The following RBM33 variants were observed in gnomAD, a reference collection of about 807,000 sequenced individuals.
RBM33 encodes the protein RNA binding motif protein 33, also known as RNA-binding protein 33.
Under a neutral mutation model 132.6 loss-of-function variants are expected in RBM33, and 28 were observed. That is an observed-to-expected ratio of 0.21 (90% CI 0.16 to 0.29). The LOEUF (loss-of-function observed/expected upper bound fraction) is 0.29, where lower values mean the gene tolerates loss of function less well. Ranked by LOEUF, RBM33 falls within the 10% of genes least tolerant of loss-of-function variation. The pLI is 1.00. For missense variants in RBM33, 1,291 were observed against 1,518.5 expected (o/e 0.85, Z 2.49); for synonymous variants, 634 against 593.0 (o/e 1.07, Z -1.01).
At position 155,675,244 on chromosome 7, in the gene RBM33, A is replaced by T. The variant is rs1179433667; in HGVS notation, c.171+2329A>T. ...GGGAGGCGGAGGTTGCAGTGAACCG[A>T]GATCACGCCACTGTACTCTAGCCTG... On this transcript the variant is annotated intron_variant, in intron 3 of 17. Transcript: ENST00000401878. 3.3e-5 allele frequency among the ~76,000 whole-genome samples: 5 copies of T among 149,546 alleles called. No individual in the cohort carries two copies. The East Asian group carries it at 9.9e-4, about 29-fold the overall frequency.
At chr7:155,703,979 G>T (rs10245530) in intron 6 of RBM33, among the ~76,000 whole-genome samples, 264 of 152,194 alleles carry the variant, frequency 1.7e-3, no homozygotes, top group African/African-American at 4.9e-3. Context: ...TATTGTTAGT[G>T]TTGAGAACAC....
intron 9 of RBM33, among the ~76,000 whole-genome samples, chr7:155,719,597 T>G (rs917562966): frequency 3.3e-5 from 5 of 152,172 alleles, no homozygotes; most frequent in African/African-American, 1.2e-4. Flanking sequence ...ATGATATTTA[T>G]TGGGTATCTA....
At chr7:155,649,136 G>T (rs1436109299) in intron 1 of RBM33, among the ~76,000 whole-genome samples, 1 of 151,946 alleles carries the variant, frequency 6.6e-6, no homozygotes. Context: ...GCATAGATTG[G>T]TACTTTTAAT....
rs756790994 is a variant in RBM33 at position 155,711,155 on chromosome 7, T to C, written c.949-48T>C. 4 of 1,446,012 alleles carry C rather than the reference T, an allele frequency of 2.8e-6. No homozygotes were observed. The Middle Eastern group carries it at 5.5e-4, about 200-fold the overall frequency. 89.6% of individuals were successfully genotyped at this position (1,446,012 alleles called of 1,614,324 possible). On this transcript the variant is annotated intron_variant, in intron 7 of 17. Transcript: ENST00000401878. ...GTTGATTTCGGTGAACTTTTGTTTT[T>C]TTTTTTGTGATTTGTAGACTCATTC...
At position 155,775,332 on chromosome 7, in the gene RBM33, A is replaced by G. The variant is rs1802571475; in HGVS notation, c.*291A>G. On this transcript the variant is annotated 3_prime_UTR_variant, in exon 18 of 18. Coordinates refer to ENST00000401878, the MANE Select transcript of RBM33 (RefSeq NM_053043.3). ...CAAAGTGCTTACAATGCATGTAGAC[A>G]TTGTTCTTTGTGGTCTGACTCTATG... 1 of 548,100 alleles carries G rather than the reference A, an allele frequency of 1.8e-6. No individual in the cohort carries two copies. Among genetic ancestry groups the G allele is most frequent in the East Asian group, 3.2e-5 (1 of 31,034 alleles). 34.0% of individuals were successfully genotyped at this position (548,100 alleles called of 1,614,324 possible).
chr7:155,659,300 C>T (rs1447378626), intron 1 of RBM33, among the ~76,000 whole-genome samples: 1 of 152,060 alleles, frequency 6.6e-6, no homozygotes, highest in African/African-American at 2.4e-5. Flanking sequence ...TAGACAGATG[C>T]TTTAACCTTC....
At chr7:155,715,337 G>C (rs2116984792) in intron 8 of RBM33, among the ~76,000 whole-genome samples, 1 of 152,272 alleles carries the variant, frequency 6.6e-6, no homozygotes, top group Middle Eastern at 3.4e-3. Flanking sequence ...GCATTTCCTT[G>C]TAAAATGCCG....
chr7:155,645,251 C>T, intron 1 of RBM33: 2 of 271,062 alleles, frequency 7.4e-6, no homozygotes, highest in Non-Finnish European at 1.4e-5. Flanking sequence ...AGAGCGCCCC[C>T]CCCACCCCCC....
chr7:155,663,209 C>CTT (rs11441610), intron 1 of RBM33, among the ~76,000 whole-genome samples: 134 of 143,736 alleles, frequency 9.3e-4, no homozygotes, highest in East Asian at 8.9e-3. Flanking sequence ...TTCTTTCTTT[C>CTT]TTTTTTTTTT....
At chr7:155,697,597 TGTG>T (rs1400365589) in intron 5 of RBM33, among the ~76,000 whole-genome samples, 1 of 152,186 alleles carries the variant, frequency 6.6e-6, no homozygotes, top group Non-Finnish European at 1.5e-5. Flanking sequence ...TGTGTGTGTG[TGTG>T]GTGTATGTGT....
intron 2 of RBM33, among the ~76,000 whole-genome samples, chr7:155,670,485 A>G (rs1014597000): frequency 2.6e-5 from 4 of 152,234 alleles, no homozygotes; most frequent in African/African-American, 7.2e-5. Context: ...TTACGATGAC[A>G]AGAAGAAAAG....
intron 15 of RBM33, among the ~76,000 whole-genome samples, chr7:155,764,349 C>T (rs1337871860): frequency 6.6e-6 from 1 of 152,202 alleles, no homozygotes; most frequent in Non-Finnish European, 1.5e-5. Context: ...GCTTTCCTTC[C>T]TGTGTTCACT....
chr7:155,734,246 C>G lies in RBM33; in HGVS notation c.1261-3284C>G, dbSNP rs531175838. On this transcript the variant is annotated intron_variant, in intron 9 of 17. Transcript: ENST00000401878. ...TGCTCCTCCTCCTGAGTGCGTGCTT[C>G]TGTGGGTTGAGGATGTGTTCATTGC... is the stretch of plus-strand genomic sequence containing the variant. 2.0e-5 allele frequency among the ~76,000 whole-genome samples: 3 copies of G among 152,360 alleles called. No individual in the cohort carries two copies. The South Asian group carries it at 6.2e-4, about 32-fold the overall frequency.
At chr7:155,732,791 C>T (rs908181534) in intron 9 of RBM33, among the ~76,000 whole-genome samples, 1 of 152,152 alleles carries the variant, frequency 6.6e-6, no homozygotes, top group African/African-American at 2.4e-5. Flanking sequence ...GGTGGAATCA[C>T]TAGAAGGTGC....
chr7:155,764,782 C>T (rs1039387566), intron 15 of RBM33, among the ~76,000 whole-genome samples: 2 of 152,246 alleles, frequency 1.3e-5, no homozygotes, highest in African/African-American at 4.8e-5. Context: ...CTCTGGAGAA[C>T]GGCAAGTCTG....
At chr7:155,672,600 C>G (rs1366820491) in intron 2 of RBM33, among the ~76,000 whole-genome samples, 2 of 152,068 alleles carry the variant, frequency 1.3e-5, no homozygotes, top group East Asian at 3.9e-4. Flanking sequence ...ACTAAAGATA[C>G]ACAAAATTAG....
chr7:155,698,487 T>C (rs1000260125), intron 5 of RBM33, among the ~76,000 whole-genome samples: 4 of 152,228 alleles, frequency 2.6e-5, no homozygotes, highest in South Asian at 2.1e-4. Context: ...GGCTGAAGAA[T>C]TAAGTCTAGC....
At chr7:155,722,489 A>G (rs1239742247) in intron 9 of RBM33, among the ~76,000 whole-genome samples, 1 of 152,198 alleles carries the variant, frequency 6.6e-6, no homozygotes. Flanking sequence ...TCTCTGTTTT[A>G]CAATTAAATT....
chr7:155,727,289 A>G (rs1452311582), intron 9 of RBM33, among the ~76,000 whole-genome samples: 2 of 152,116 alleles, frequency 1.3e-5, no homozygotes, highest in Non-Finnish European at 2.9e-5. Context: ...CCAGCTGACA[A>G]CTGCTCCTGT....
Sources: allele counts gnomAD v4.1 joint callset (sites outside exome capture counted in the v4.1 genomes callset), GRCh38; gene constraint gnomAD v4.1.1; transcripts MANE v1.5; gene names NCBI Gene and HGNC (gene_info 2026-07-23, HGNC 2026-07-21).